The following SCIMP variants were observed in gnomAD, a reference collection of about 807,000 sequenced individuals.
SCIMP encodes the protein SLP adaptor and CSK interacting membrane protein.
Under a neutral mutation model 22.0 loss-of-function variants are expected in SCIMP, and 18 were observed. The ratio of observed to expected loss-of-function variants is 0.82; its 90% CI spans 0.56 to 1.21. The LOEUF (loss-of-function observed/expected upper bound fraction) is 1.21, where lower values mean the gene tolerates loss of function less well. Ranked by LOEUF, SCIMP falls within the 50% of genes most tolerant of loss-of-function variation. The pLI is 0.00. For missense variants in SCIMP, 155 were observed against 171.2 expected, an observed-to-expected ratio of 0.91 and a Z score of 0.53; for synonymous variants, 53 against 62.2, an observed-to-expected ratio of 0.85 and a Z score of 0.70.
chr17:5,221,135 T>A (rs2074603834), intron 3 of SCIMP, 152 bp downstream of exon 3: 9 of 721,850 alleles, frequency 1.2e-5, no homozygotes. Context: ...GTCTCTGCCC[T>A]TATGTGGAGA....
chr17:5,214,888 A>G, intron 4 of SCIMP, 37 bp downstream of exon 4: 1 of 959,434 alleles, frequency 1.0e-6, no homozygotes, highest in Non-Finnish European at 1.7e-6. Context: ...TCGTTATCTT[A>G]CCCTAAATGA....
At chr17:5,225,325 T>C (rs549068858) in intron 1 of SCIMP, among the ~76,000 whole-genome samples, 1 of 151,560 alleles carries the variant, frequency 6.6e-6, no homozygotes, top group African/African-American at 2.4e-5. Flanking sequence ...ATTAGCTGGG[T>C]GTGGTGGCAC....
At chr17:5,232,766 A>T (rs1473413563) in intron 1 of SCIMP, among the ~76,000 whole-genome samples, 1 of 150,424 alleles carries the variant, frequency 6.6e-6, no homozygotes, top group Non-Finnish European at 1.5e-5. Flanking sequence ...GCTAGACTCC[A>T]CTGGTGCAAT....
intron 1 of SCIMP, among the ~76,000 whole-genome samples, chr17:5,228,163 C>T (rs2074665845): frequency 6.6e-6 from 1 of 151,436 alleles, no homozygotes; most frequent in Non-Finnish European, 1.5e-5. Context: ...CAGAGCTAGA[C>T]TCCTTCTCCA....
intron 1 of SCIMP, among the ~76,000 whole-genome samples, chr17:5,230,898 A>G (rs2074688607): frequency 6.6e-6 from 1 of 152,208 alleles, no homozygotes; most frequent in Non-Finnish European, 1.5e-5. Flanking sequence ...TGTGATTACC[A>G]TCAGTGCACT....
chr17:5,221,650 T>C (rs949370559), intron 2 of SCIMP, among the ~76,000 whole-genome samples: 23 of 152,220 alleles, frequency 1.5e-4, no homozygotes, highest in African/African-American at 4.1e-4. Context: ...GTTTGTATCC[T>C]GTAGATGGAC....
At chr17:5,228,309 G>A (rs2074667173) in intron 1 of SCIMP, among the ~76,000 whole-genome samples, 1 of 149,752 alleles carries the variant, frequency 6.7e-6, no homozygotes. Context: ...TCACGCCACT[G>A]CACTGCAGCC....
rs769523111 is a variant in SCIMP, at chr17:5,210,902, C to T, written c.337G>A (p.Val113Ile). ...PPATYSLVNK[V>I]KNKKTVSIPS... ...ATGGAAACAGTCTTCTTATTTTTAACTTTATTTACCAGTGAGTATGTAGCG... is the reference window on the plus strand; with the variant it reads ...ATGGAAACAGTCTTCTTATTTTTAATTTTATTTACCAGTGAGTATGTAGCG... The change falls in exon 5 of 5, where the codon GTT (valine) becomes ATT (isoleucine). Residue 113 changes from valine (V) to isoleucine (I), a missense_variant. Coordinates refer to ENST00000574081, the MANE Select transcript of SCIMP (RefSeq NM_207103.3). 6.2e-6 allele frequency: 10 copies of T among 1,614,050 alleles called. No individual in the cohort carries two copies. The highest frequency in any genetic ancestry group is 8.5e-6 in the Non-Finnish European group (10 of 1,179,998).
At chr17:5,220,968 G>T (rs749002418) in intron 3 of SCIMP, 25 of 406,728 alleles carry the variant, frequency 6.1e-5, no homozygotes, top group Non-Finnish European at 1.0e-4. Context: ...TGAGGCAGGA[G>T]AATTGCTTGA....
Position 5,210,713 on chromosome 17 carries a change from G to C in SCIMP, c.*88C>G. The C allele has an allele frequency of 6.6e-7, 1 of 1,512,320 alleles. No individual in the cohort carries two copies. Among genetic ancestry groups the C allele is most frequent in the Non-Finnish European group, 8.9e-7 (1 of 1,128,104 alleles). 93.7% of individuals were successfully genotyped at this position (1,512,320 alleles called of 1,614,324 possible). ...TCACCACTGGCTTTCAGGGCCCAGAGACCTACTGAAGTTCAACCATTCTTG... is the reference window on the plus strand; with the variant it reads ...TCACCACTGGCTTTCAGGGCCCAGACACCTACTGAAGTTCAACCATTCTTG... On this transcript the variant is annotated 3_prime_UTR_variant, in exon 5 of 5. Coordinates refer to ENST00000574081, the MANE Select transcript of SCIMP (RefSeq NM_207103.3).
chr17:5,211,524 CAA>C (rs34444793), intron 4 of SCIMP, among the ~76,000 whole-genome samples: 13 of 132,682 alleles, frequency 9.8e-5, no homozygotes, highest in Non-Finnish European at 8.2e-5. Context: ...ACCCTGTCTC[CAA>C]AAAAAAAAAA....
At chr17:5,221,649 CT>C (rs1470000364) in intron 2 of SCIMP, among the ~76,000 whole-genome samples, 7 of 152,182 alleles carry the variant, frequency 4.6e-5, no homozygotes, top group Admixed American at 1.3e-4. Context: ...AGTTTGTATC[CT>C]GTAGATGGAC....
At chr17:5,233,476 G>A (rs887729214) in intron 1 of SCIMP, among the ~76,000 whole-genome samples, 2 of 152,080 alleles carry the variant, frequency 1.3e-5, no homozygotes, top group East Asian at 3.9e-4. Flanking sequence ...GGGCTCAAAC[G>A]ATTCTCCTGC....
At chr17:5,223,601 G>T in intron 1 of SCIMP, 145 bp from the exon 2 acceptor site, 1 of 733,302 alleles carries the variant, frequency 1.4e-6, no homozygotes, top group Admixed American at 2.5e-5. Flanking sequence ...GGAGTGCAAT[G>T]ACGTGATCTC....
intron 3 of SCIMP, among the ~76,000 whole-genome samples, chr17:5,216,710 T>G (rs2074568152): frequency 6.6e-6 from 1 of 152,064 alleles, no homozygotes; most frequent in African/African-American, 2.4e-5. Context: ...AAAGCTAATT[T>G]ATACTATCAC....
At chr17:5,221,034 G>C (rs1353409222) in intron 3 of SCIMP, 2 of 589,312 alleles carry the variant, frequency 3.4e-6, no homozygotes, top group African/African-American at 3.7e-5. Flanking sequence ...CTCCAGCCTG[G>C]GCGACAGAGC....
At chr17:5,223,536 G>A in intron 1 of SCIMP, 80 bp from the exon 2 acceptor site, 1 of 1,415,174 alleles carries the variant, frequency 7.1e-7, no homozygotes, top group Non-Finnish European at 9.8e-7. Context: ...GTTATCTACT[G>A]TGGGTTGTTT....
intron 3 of SCIMP, among the ~76,000 whole-genome samples, chr17:5,216,950 G>A (rs916144773): frequency 1.3e-5 from 2 of 152,010 alleles, no homozygotes; most frequent in African/African-American, 4.8e-5. Context: ...CCTTACTTGG[G>A]CCTCCATCCC....
intron 1 of SCIMP, among the ~76,000 whole-genome samples, chr17:5,227,281 C>CACACACACACA (rs1329195668): frequency 8.5e-6 from 1 of 117,936 alleles, no homozygotes; most frequent in African/African-American, 3.4e-5. Context: ...TCTCTATATA[C>CACACACACACA]ACACACACAC....
Sources: gnomAD v4.1 joint callset for allele counts (sites outside exome capture counted in the v4.1 genomes callset) on GRCh38, gnomAD v4.1.1 for gene constraint, MANE v1.5 for transcripts, NCBI Gene and HGNC (gene_info 2026-07-23, HGNC 2026-07-21) for gene names.